Variants in USP53 observed in about 807,000 individuals in gnomAD.
The protein encoded by USP53 is ubiquitin specific peptidase 53.
Under a neutral mutation model 94.9 loss-of-function variants are expected in USP53, and 71 were observed. That is an observed-to-expected ratio of 0.75 (90% confidence interval 0.62 to 0.91). The LOEUF is 0.91. USP53 is among the 40% of genes least tolerant of loss of function. The pLI is 0.00. For synonymous variants in USP53, 375 were observed against 422.7 expected (o/e 0.89, Z 1.39); for missense variants, 1,173 against 1,281.0 (o/e 0.92, Z 1.29).
At chr4:119,261,920 T>C in intron 12 of USP53, 56 bp downstream of exon 12, 1 of 1,297,196 alleles carries the variant, frequency 7.7e-7, no homozygotes. Context: ...TTTTTGTTAA[T>C]AAATGATATA....
rs1020891299 is a variant in USP53, at chr4:119,235,605, T to A, written c.-543+194T>A. Among the ~76,000 whole-genome samples, 3 of 152,260 alleles carry A rather than the reference T, an allele frequency of 2.0e-5. No individual in the cohort carries two copies. In the South Asian group the frequency reaches 6.2e-4, roughly 32 times the overall value. On this transcript the variant is annotated intron_variant, in intron 4 of 18. Coordinates refer to ENST00000692078, the MANE Select transcript of USP53 (RefSeq NM_001371395.1). The stretch of plus-strand genomic sequence containing the variant: ...CACCCAGAGTTTAAAGCCAGAGTTC[T>A]TAAAAAGGGCTTGTGAGATCCCACA...
chr4:119,238,760 C>T (rs922083925), intron 4 of USP53, among the ~76,000 whole-genome samples: 10 of 152,090 alleles, frequency 6.6e-5, no homozygotes, highest in African/African-American at 1.9e-4. Context: ...CAGGAGTGTG[C>T]GTTTGTTGAT....
At position 119,292,589 on chromosome 4, in the gene USP53, T is replaced by G. The variant is rs767331375; in HGVS notation, c.2600T>G (p.Leu867Arg). Residue 867 changes from leucine (L) to arginine (R), a missense_variant, in exon 19 of 19, where the codon CTA becomes CGA. By Grantham distance (102) the Leu-to-Arg change is moderately radical. Transcript: ENST00000692078. ...CCATCTTCATTATGGTCTTCACACC[T>G]AAGAACTGTTGGGTTAAAGCCAGAA... Reference protein sequence around the residue: ...NEPSSLWSSHLRTVGLKPETA... With the variant: ...NEPSSLWSSHRRTVGLKPETA... The G allele has an allele frequency of 5.0e-6, 8 of 1,614,076 alleles. No homozygotes were observed. The highest frequency in any genetic ancestry group is 5.9e-6 in the Non-Finnish European group (7 of 1,179,948).
intron 17 of USP53, among the ~76,000 whole-genome samples, chr4:119,274,864 T>C (rs1454091208): frequency 7.3e-6 from 1 of 136,836 alleles, no homozygotes; most frequent in African/African-American, 2.7e-5. Context: ...TGAGCATTTT[T>C]TCATGTGTTT....
At chr4:119,285,757 G>A (rs1450293254) in intron 17 of USP53, among the ~76,000 whole-genome samples, 2 of 151,840 alleles carry the variant, frequency 1.3e-5, no homozygotes, top group East Asian at 3.8e-4. Context: ...ATTTAGAGAA[G>A]TACTTTTGTC....
intron 3 of USP53, chr4:119,220,347 G>A (rs1266926893): frequency 6.6e-6 from 1 of 152,128 alleles, no homozygotes; most frequent in African/African-American, 2.4e-5. Context: ...TTAGGAAAAA[G>A]CAGTGATCTA....
intron 5 of USP53, among the ~76,000 whole-genome samples, chr4:119,242,894 TAA>T (rs1030079708): frequency 2.2e-4 from 34 of 152,186 alleles, no homozygotes; most frequent in African/African-American, 8.0e-4. Context: ...AGATCTGATA[TAA>T]GACACAAAAA....
chr4:119,288,104 T>TGGTTATGTCTTATATA lies in USP53; in HGVS notation c.2252-3034_2252-3019dup, dbSNP rs374457404. Among the ~76,000 whole-genome samples the TGGTTATGTCTTATATA allele has an allele frequency of 7.1e-3, 1,080 of 152,312 alleles. 10 individuals are homozygous for TGGTTATGTCTTATATA. The highest frequency in any genetic ancestry group is 0.024 in the African/African-American group (1,017 of 41,550). ...TTATGACCTAAAAGAGCTTTTGTTA[T>TGGTTATGTCTTATATA]GGTTATGTCTTATATAGGTTATGTC... On this transcript the variant is annotated intron_variant, in intron 17 of 18. Coordinates refer to ENST00000692078, the MANE Select transcript of USP53 (RefSeq NM_001371395.1).
chr4:119,271,349 A>T lies in USP53; in HGVS notation c.1489A>T (p.Asn497Tyr). 1 of 1,601,072 alleles carries T rather than the reference A, an allele frequency of 6.2e-7. No individual in the cohort carries two copies. Among genetic ancestry groups the T allele is most frequent in the Non-Finnish European group, 8.5e-7 (1 of 1,176,394 alleles). The change falls in exon 16 of 19, where the codon AAT becomes TAT. Residue 497 changes from asparagine to tyrosine, a missense_variant. Transcript: ENST00000692078. Reference protein sequence around the residue: ...HFQSGSPPAPNGFKQHGNPHL... With the variant: ...HFQSGSPPAPYGFKQHGNPHL... ...CCAATCTGGATCACCTCCTGCCCCA[A>T]ATGGTTTTAAACAACATGGGAATCC...
intron 3 of USP53, among the ~76,000 whole-genome samples, chr4:119,222,455 T>C (rs972709999): frequency 1.3e-5 from 2 of 151,046 alleles, no homozygotes; most frequent in African/African-American, 5.0e-5. Flanking sequence ...TTCTCTCCAC[T>C]TCCTTTCCCA....
intron 3 of USP53, among the ~76,000 whole-genome samples, chr4:119,222,328 G>T (rs1265572553): frequency 1.3e-5 from 2 of 152,148 alleles, no homozygotes; most frequent in Admixed American, 1.3e-4. Flanking sequence ...TACTACCCTT[G>T]TAGTTATTTT....
Position 119,260,579 on chromosome 4 carries a change from G to A in USP53, c.748G>A (p.Val250Ile). 6.2e-7 allele frequency: 1 copy of A among 1,614,048 alleles called. No homozygotes were observed. The highest frequency in any genetic ancestry group is 8.5e-7 in the Non-Finnish European group (1 of 1,179,946). ...CCCAGAGATTGTTACAATTGGTTTAGTCTGGGACTCCGAGCATTCTGACTT... is the reference window on the plus strand; with the variant it reads ...CCCAGAGATTGTTACAATTGGTTTAATCTGGGACTCCGAGCATTCTGACTT... ...NCPEIVTIGL[V>I]WDSEHSDLTE... is the part of the protein sequence containing the mutation. The change falls in exon 11 of 19, where the codon GTC (valine) becomes ATC (isoleucine). Residue 250 changes from valine (V) to isoleucine (I), a missense_variant. By Grantham distance (29) the Val-to-Ile change is conservative. Coordinates refer to ENST00000692078, the MANE Select transcript of USP53 (RefSeq NM_001371395.1).
At position 119,267,408 on chromosome 4, in the gene USP53, C is replaced by T; in HGVS notation, c.1061C>T (p.Thr354Ile). 6.2e-7 allele frequency: 1 copy of T among 1,614,104 alleles called. No homozygotes were observed. Among genetic ancestry groups the T allele is most frequent in the East Asian group, 2.2e-5 (1 of 44,862 alleles). Reference sequence around the variant, plus strand: ...TTGTTTTATGCAAACCCAGATGGCACAGCAGTTTCTACTGAGGATGCACTC... The same window carrying T: ...TTGTTTTATGCAAACCCAGATGGCATAGCAGTTTCTACTGAGGATGCACTC... ...LLLFYANPDGTAVSTEDALRQ... is the reference protein window; with the variant it reads ...LLLFYANPDGIAVSTEDALRQ... The change falls in exon 13 of 19, where the codon ACA becomes ATA. Residue 354 changes from threonine to isoleucine, a missense_variant. Thr to Ile is a moderately conservative substitution (Grantham distance 89). Transcript: ENST00000692078.
rs570269266 is a variant in USP53 at position 119,273,845 on chromosome 4, C to T, written c.2251+137C>T. 4.0e-5 allele frequency: 26 copies of T among 649,166 alleles called. No individual in the cohort carries two copies. The South Asian group carries it at 6.2e-4, about 16-fold the overall frequency. 40.2% of individuals were successfully genotyped at this position (649,166 alleles called of 1,614,324 possible). On this transcript the variant is annotated intron_variant, in intron 17 of 18. Coordinates refer to ENST00000692078, the MANE Select transcript of USP53 (RefSeq NM_001371395.1). ...TAAATAACCCTAAAATATCAATAAA[C>T]AAGTTTTATTAAGTTAATATATGTT...
chr4:119,260,416 G>A, intron 10 of USP53, 91 bp from the exon 11 acceptor site: 1 of 1,098,790 alleles, frequency 9.1e-7, no homozygotes, highest in Non-Finnish European at 1.3e-6. Context: ...TTGCAGATAT[G>A]TGTTAAAATT....
At chr4:119,226,581 T>C in intron 3 of USP53, among the ~76,000 whole-genome samples, 1 of 152,042 alleles carries the variant, frequency 6.6e-6, no homozygotes, top group Admixed American at 6.6e-5. Flanking sequence ...TACACCTAAA[T>C]TAGCAAAACA....
rs140729470 is a variant in USP53 at position 119,230,922 on chromosome 4, G to A, written c.-664-4368G>A. Reference sequence around the variant, plus strand: ...CTAATTGGTGGGTTTAGAGTAAGTGGGTACATGTTCCATGAAGTCACTGTG... The same window carrying A: ...CTAATTGGTGGGTTTAGAGTAAGTGAGTACATGTTCCATGAAGTCACTGTG... On this transcript the variant is annotated intron_variant, in intron 3 of 18. Coordinates refer to ENST00000692078, the MANE Select transcript of USP53 (RefSeq NM_001371395.1). Among the ~76,000 whole-genome samples, 422 of 152,208 alleles carry A rather than the reference G, an allele frequency of 2.8e-3. 2 individuals are homozygous for A. The highest frequency in any genetic ancestry group is 9.6e-3 in the African/African-American group (400 of 41,534).
At chr4:119,228,296 A>G (rs112072195) in intron 3 of USP53, among the ~76,000 whole-genome samples, 9 of 152,306 alleles carry the variant, frequency 5.9e-5, no homozygotes, top group African/African-American at 2.2e-4. Flanking sequence ...GCTGTCAACC[A>G]GGATCTGTTC....
At chr4:119,229,049 G>A (rs1048456815) in intron 3 of USP53, among the ~76,000 whole-genome samples, 1 of 152,046 alleles carries the variant, frequency 6.6e-6, no homozygotes, top group African/African-American at 2.4e-5. Context: ...CTTCCTTTTT[G>A]CTACCCAGGT....
Sources: gnomAD v4.1 joint callset for allele counts (sites outside exome capture counted in the v4.1 genomes callset) on GRCh38, gnomAD v4.1.1 for gene constraint, MANE v1.5 for transcripts, NCBI Gene and HGNC (gene_info 2026-07-23, HGNC 2026-07-21) for gene names.